AMTN: variants seen among roughly 807,000 people sequenced by gnomAD.
AMTN encodes amelotin.
In AMTN, 29 loss-of-function variants were observed where a neutral mutation model predicts 27.4. The observed-to-expected ratio is 1.06, with a 90% confidence interval of 0.79 to 1.44. The LOEUF (loss-of-function observed/expected upper bound fraction) is 1.44. AMTN is among the 40% of genes most tolerant of loss of function. AMTN has a pLI of 0.00. For missense variants in AMTN, 247 were observed against 248.8 expected, an observed-to-expected ratio of 0.99 and a Z score of 0.05; for synonymous variants, 86 against 95.7, an observed-to-expected ratio of 0.90 and a Z score of 0.59.
At chr4:70,529,964 A>G (rs1577935765) in intron 7 of AMTN, among the ~76,000 whole-genome samples, 1 of 151,656 alleles carries the variant, frequency 6.6e-6, no homozygotes, top group Admixed American at 6.6e-5. Context: ...AGGTTCTTCT[A>G]TATAACCAGC....
chr4:70,519,903 A>G (rs1274962374), intron 2 of AMTN, among the ~76,000 whole-genome samples: 1 of 145,946 alleles, frequency 6.9e-6, no homozygotes, highest in Non-Finnish European at 1.5e-5. Context: ...TCCCAAATAC[A>G]TACTACATAC....
Position 70,528,769 on chromosome 4 carries a change from T to A in AMTN, c.330+11T>A. 1 of 1,583,352 alleles carries A rather than the reference T, an allele frequency of 6.3e-7. No homozygotes were observed. The highest frequency in any genetic ancestry group is 2.3e-5 in the East Asian group (1 of 44,374). On this transcript the variant is annotated intron_variant, in intron 6 of 8. Coordinates refer to ENST00000339336, the MANE Select transcript of AMTN (RefSeq NM_212557.4). ...CAACTTGGAGCCCAGGTAAAAATTA[T>A]GCTTAATATTGTCTTGATTTTAAAT... is the stretch of plus-strand genomic sequence containing the variant.
chr4:70,520,058 C>G (rs889607213), intron 2 of AMTN, among the ~76,000 whole-genome samples: 1 of 109,630 alleles, frequency 9.1e-6, no homozygotes, highest in Non-Finnish European at 1.9e-5. Flanking sequence ...ATACATTGAC[C>G]GAAAGATTCT....
At chr4:70,519,663 ATCCT>A (rs1467618689) in intron 2 of AMTN, among the ~76,000 whole-genome samples, 5 of 152,062 alleles carry the variant, frequency 3.3e-5, no homozygotes, top group Non-Finnish European at 2.9e-5. Context: ...AAAAGGCATA[ATCCT>A]TCATGGTGTT....
chr4:70,532,355 T>C (rs369158817), intron 8 of AMTN, 100 bp from the exon 9 acceptor site: 6 of 874,350 alleles, frequency 6.9e-6, no homozygotes, highest in Middle Eastern at 2.4e-4. Context: ...ATGATATGGA[T>C]GCTCCTAATC....
At chr4:70,522,226 T>A (rs141179037) in intron 2 of AMTN, among the ~76,000 whole-genome samples, 22 of 152,094 alleles carry the variant, frequency 1.4e-4, no homozygotes, top group Admixed American at 3.9e-4. Flanking sequence ...CTAGACCAAA[T>A]GTGTAGGAGG....
intron 8 of AMTN, 29 bp from the exon 9 acceptor site, chr4:70,532,426 C>A (rs767051644): frequency 7.1e-5 from 111 of 1,558,900 alleles, no homozygotes; most frequent in Non-Finnish European, 9.7e-5. Context: ...TTTTTACCTA[C>A]ATTTAAAAGG....
rs530563727 is a variant in AMTN, at chr4:70,524,346, T to C, written c.204+413T>C. On this transcript the variant is annotated intron_variant, in intron 4 of 8. Coordinates refer to ENST00000339336, the MANE Select transcript of AMTN (RefSeq NM_212557.4). ...TCTTCTTATAGAATATCTGTATAGA[T>C]CTTCAGCCCTCTCATAGAATATCTG... 2.0e-5 allele frequency among the ~76,000 whole-genome samples: 3 copies of C among 152,324 alleles called. No individual in the cohort carries two copies. The East Asian group carries it at 5.8e-4, about 29-fold the overall frequency.
chr4:70,518,920 C>A, intron 2 of AMTN, 89 bp downstream of exon 2: 1 of 1,092,402 alleles, frequency 9.2e-7, no homozygotes, highest in Non-Finnish European at 1.4e-6. Context: ...TCCATCAAAA[C>A]TGCTCTGTTT....
At chr4:70,524,097 G>A (rs1304916133) in intron 4 of AMTN, among the ~76,000 whole-genome samples, 164 bp downstream of exon 4, 3 of 152,174 alleles carry the variant, frequency 2.0e-5, no homozygotes, top group Non-Finnish European at 4.4e-5. Context: ...GAGTCCAAGA[G>A]AGTTGGACAT....
intron 1 of AMTN, 44 bp from the exon 2 acceptor site, chr4:70,518,719 G>A: frequency 2.2e-6 from 3 of 1,344,960 alleles, no homozygotes; most frequent in Middle Eastern, 1.9e-4. Flanking sequence ...TCTCTTAAAA[G>A]GAAAAAAAAT....
At chr4:70,519,711 CTT>C (rs67609441) in intron 2 of AMTN, among the ~76,000 whole-genome samples, 74 of 120,500 alleles carry the variant, frequency 6.1e-4, no homozygotes, top group South Asian at 2.0e-3. Flanking sequence ...TTTTTTTTAA[CTT>C]TTTTTTTATT....
At chr4:70,520,938 G>T (rs548203714) in intron 2 of AMTN, among the ~76,000 whole-genome samples, 4 of 152,298 alleles carry the variant, frequency 2.6e-5, no homozygotes, top group African/African-American at 9.6e-5. Context: ...AGCAGGAATG[G>T]ACTTTACCTG....
rs751517137 is a variant in AMTN at position 70,518,769 on chromosome 4, A to G, written c.-9A>G. On this transcript the variant is annotated 5_prime_UTR_variant, in exon 2 of 9. Coordinates refer to ENST00000339336, the MANE Select transcript of AMTN (RefSeq NM_212557.4). ...CACTTTTTTGTTGTTGTAGGTAGCA[A>G]TCTGAAACATGAGGAGTACGATTCT... is the stretch of plus-strand genomic sequence containing the variant. 3.8e-6 allele frequency: 6 copies of G among 1,594,712 alleles called. No homozygotes were observed. The highest frequency in any genetic ancestry group is 5.2e-6 in the Non-Finnish European group (6 of 1,164,252).
At chr4:70,525,606 C>T (rs1736085116) in intron 5 of AMTN, among the ~76,000 whole-genome samples, 1 of 152,114 alleles carries the variant, frequency 6.6e-6, no homozygotes, top group Non-Finnish European at 1.5e-5. Flanking sequence ...GTGTAATAGG[C>T]TCCAGAGGGG....
In AMTN at chr4:70,531,079, C is replaced by A; in HGVS notation, c.398C>A (p.Pro133Gln). The A allele has an allele frequency of 6.2e-7, 1 of 1,613,996 alleles. No homozygotes were observed. Among genetic ancestry groups the A allele is most frequent in the Non-Finnish European group, 8.5e-7 (1 of 1,179,972 alleles). ...AGCCTCATCATCCATTCCTTGTTCC[C>A]GGGAGGCATCCTGCCCACCAGTCAG... ...FTSLIIHSLF[P>Q]GGILPTSQAG... is the part of the protein sequence containing the mutation. Residue 133 changes from proline to glutamine, a missense_variant, in exon 8 of 9, where the codon CCG (proline) becomes CAG (glutamine). Pro to Gln is a moderately conservative substitution (Grantham distance 76). Transcript: ENST00000339336.
chr4:70,531,443 G>A, intron 8 of AMTN, 143 bp downstream of exon 8: 1 of 1,062,284 alleles, frequency 9.4e-7, no homozygotes, highest in South Asian at 1.7e-5. Context: ...GTTAACTCCA[G>A]CAACATGAGG....
Position 70,524,936 on chromosome 4 carries a change from A to C in AMTN, c.269A>C (p.Asn90Thr), listed in dbSNP as rs1423757970. Residue 90 changes from asparagine (N) to threonine (T), a missense_variant, in exon 5 of 9, where the codon AAT (asparagine) becomes ACT (threonine). Asn to Thr is a moderately conservative substitution (Grantham distance 65, BLOSUM62 0). Transcript: ENST00000339336. ...CACCCATTGACCCTGGGAGGGTTGA[A>C]TGTACAACAGCAACTGCACCCACAT... The part of the protein sequence containing the change: ...QTHPLTLGGL[N>T]VQQQLHPHVL... 2 of 1,613,954 alleles carry C rather than the reference A, an allele frequency of 1.2e-6. No individual in the cohort carries two copies. Among genetic ancestry groups the C allele is most frequent in the Non-Finnish European group, 1.7e-6 (2 of 1,179,954 alleles).
chr4:70,520,262 G>A (rs929882564), intron 2 of AMTN, among the ~76,000 whole-genome samples: 4 of 152,144 alleles, frequency 2.6e-5, no homozygotes, highest in African/African-American at 4.8e-5. Flanking sequence ...GCAGGGAGGC[G>A]ACACTGAAAT....
Sources: gnomAD v4.1 joint callset for allele counts (sites outside exome capture counted in the v4.1 genomes callset) on GRCh38, gnomAD v4.1.1 for gene constraint, MANE v1.5 for transcripts, NCBI Gene and HGNC (gene_info 2026-07-23, HGNC 2026-07-21) for gene names.